Variants in TSPEAR observed in about 807,000 individuals in gnomAD.
TSPEAR encodes the protein thrombospondin-type laminin G domain and EAR repeat-containing protein.
In TSPEAR, 69 loss-of-function variants were observed where a neutral mutation model predicts 71.6. The observed-to-expected ratio is 0.96, with a 90% CI of 0.79 to 1.18. The LOEUF (loss-of-function observed/expected upper bound fraction) is 1.18. Ranked by LOEUF, TSPEAR falls within the 50% of genes most tolerant of loss-of-function variation. The pLI, the probability that TSPEAR is intolerant of heterozygous loss-of-function variation, is 0.00. For synonymous variants in TSPEAR, 402 were observed against 387.2 expected (o/e 1.04, Z -0.45); for missense variants, 971 against 894.9 (o/e 1.09, Z -1.09).
intron 1 of TSPEAR, among the ~76,000 whole-genome samples, chr21:44,683,798 C>A (rs901339300): frequency 1.3e-5 from 2 of 152,182 alleles, no homozygotes; most frequent in East Asian, 1.9e-4. Flanking sequence ...AGACATCTTC[C>A]AAAAAATCCA....
rs781893777 is a variant in TSPEAR at position 44,592,245 on chromosome 21, G to T, written c.83-24240C>A. 19 of 1,598,212 alleles carry T rather than the reference G, an allele frequency of 1.2e-5. No individual in the cohort carries two copies. In the South Asian group the frequency reaches 1.8e-4, roughly 15 times the overall value. On this transcript the variant is annotated intron_variant, in intron 1 of 11. Transcript: ENST00000323084. ...ACGAGGGCGTGCAGGAGCTGGTGCA[G>T]CCTGATTGGCAGGGGCTGGGCTCAC...
chr21:44,583,555 GGAGT>G (rs782599172), intron 1 of TSPEAR, among the ~76,000 whole-genome samples: 2 of 152,160 alleles, frequency 1.3e-5, no homozygotes, highest in Non-Finnish European at 2.9e-5. Context: ...TTTTAAAGAA[GGAGT>G]GAGTTTGTTC....
chr21:44,556,974 C>T (rs781932844), intron 2 of TSPEAR, among the ~76,000 whole-genome samples: 1 of 152,150 alleles, frequency 6.6e-6, no homozygotes, highest in Non-Finnish European at 1.5e-5. Flanking sequence ...ACTGCTGTTA[C>T]ACTATGAAAA....
chr21:44,558,634 C>T (rs1441714198), intron 2 of TSPEAR: 1 of 1,612,942 alleles, frequency 6.2e-7, no homozygotes, highest in African/African-American at 1.3e-5. Context: ...CAGGGGGGCT[C>T]ACAGCAGCTC....
In TSPEAR at chr21:44,655,373, C is replaced by G. The variant is rs587730137; in HGVS notation, c.82+56060G>C. On this transcript the variant is annotated intron_variant, in intron 1 of 11. Transcript: ENST00000323084. ...CTCATCCTGAAGTCCTGAACCAGCTCGGACAGAGAAGATGGACGAAAACAT... is the reference window on the plus strand; with the variant it reads ...CTCATCCTGAAGTCCTGAACCAGCTGGGACAGAGAAGATGGACGAAAACAT... Among the ~76,000 whole-genome samples the G allele has an allele frequency of 1.0e-3, 157 of 152,192 alleles. 1 individual carries two copies. The highest frequency in any genetic ancestry group is 2.4e-3 in the Admixed American group (37 of 15,302).
At position 44,527,283 on chromosome 21, in the gene TSPEAR, C is replaced by T; in HGVS notation, c.1149+9G>A. ...AGGGGATGGAGAAAGTCACCGAACACAGACTTGCCTTTTTCCCGATGGTGA... is the reference window on the plus strand; with the variant it reads ...AGGGGATGGAGAAAGTCACCGAACATAGACTTGCCTTTTTCCCGATGGTGA... On this transcript the variant is annotated intron_variant, in intron 7 of 11. Coordinates refer to ENST00000323084, the MANE Select transcript of TSPEAR (RefSeq NM_144991.3). 1 of 1,614,082 alleles carries T rather than the reference C, an allele frequency of 6.2e-7. No homozygotes were observed. The highest frequency in any genetic ancestry group is 8.5e-7 in the Non-Finnish European group (1 of 1,179,938).
intron 1 of TSPEAR, chr21:44,654,504 G>A (rs1555942175): frequency 5.0e-6 from 8 of 1,613,674 alleles, no homozygotes; most frequent in Non-Finnish European, 6.8e-6. Flanking sequence ...AGGGGGCTGA[G>A]CAGCAGCAGG....
At chr21:44,653,936 C>A (rs957527476) in intron 1 of TSPEAR, among the ~76,000 whole-genome samples, 1 of 152,186 alleles carries the variant, frequency 6.6e-6, no homozygotes, top group Non-Finnish European at 1.5e-5. Context: ...GGGGAAGGTA[C>A]CTCCTGAGGA....
intron 1 of TSPEAR, among the ~76,000 whole-genome samples, chr21:44,705,404 A>T (rs569082017): frequency 6.6e-6 from 1 of 152,384 alleles, no homozygotes; most frequent in African/African-American, 2.4e-5. Flanking sequence ...TGTTCAGGGA[A>T]TAAGAGAGAT....
intron 1 of TSPEAR, chr21:44,677,363 G>T: frequency 7.2e-7 from 1 of 1,397,610 alleles, no homozygotes; most frequent in Non-Finnish European, 1.0e-6. Flanking sequence ...CTTTCAATAT[G>T]TTGGAGTGTG....
chr21:44,653,448 C>T (rs797036194), intron 1 of TSPEAR, among the ~76,000 whole-genome samples: 3 of 152,334 alleles, frequency 2.0e-5, no homozygotes, highest in African/African-American at 7.2e-5. Context: ...TCTGACAGAG[C>T]TGCCCCCGGC....
In TSPEAR at chr21:44,522,021, GGC is replaced by G. The variant is rs1555914347; in HGVS notation, c.1426_1427del (p.Ala476LeufsTer81). ...CCACACTGAAGAACTCCCAGTCGTA[GGC>G]GCCGGAGGTGGCGATGGTCTGGTTG... is the stretch of plus-strand genomic sequence containing the variant. The part of the protein sequence containing the change: ...EANQTIATSG[A>X]YDWEFFSVGP... On this transcript the variant is annotated frameshift_variant, in exon 9 of 12. Transcript: ENST00000323084. LOFTEE classifies it high-confidence loss of function. The G allele has an allele frequency of 3.7e-6, 6 of 1,614,224 alleles. No homozygotes were observed. Among genetic ancestry groups the G allele is most frequent in the Non-Finnish European group, 5.1e-6 (6 of 1,180,022 alleles).
chr21:44,692,660 A>G (rs1439905636), intron 1 of TSPEAR, among the ~76,000 whole-genome samples: 1 of 152,154 alleles, frequency 6.6e-6, no homozygotes, highest in Non-Finnish European at 1.5e-5. Context: ...CCAAGGAGGT[A>G]AGAGACTTGT....
intron 1 of TSPEAR, among the ~76,000 whole-genome samples, chr21:44,633,989 A>G (rs1385830505): frequency 6.6e-6 from 1 of 152,216 alleles, no homozygotes; most frequent in East Asian, 1.9e-4. Flanking sequence ...TTATGCCTGT[A>G]ATCCCAACTA....
chr21:44,544,045 C>G (rs587738728), intron 2 of TSPEAR, among the ~76,000 whole-genome samples: 2 of 152,186 alleles, frequency 1.3e-5, no homozygotes, highest in African/African-American at 4.8e-5. Context: ...AGCAAAGCCC[C>G]ACATTCTTTC....
chr21:44,572,838 C>CACAA (rs1978288840), intron 1 of TSPEAR, among the ~76,000 whole-genome samples: 1 of 8,206 alleles, frequency 1.2e-4, no homozygotes, highest in Non-Finnish European at 2.9e-4. Context: ...GATTTGGACA[C>CACAA]ACACACACAC....
intron 1 of TSPEAR, among the ~76,000 whole-genome samples, chr21:44,706,110 G>A (rs1033599296): frequency 1.3e-5 from 2 of 152,140 alleles, no homozygotes; most frequent in African/African-American, 4.8e-5. Flanking sequence ...TGCAGATCGA[G>A]GCCTAGTGCG....
chr21:44,619,988 T>C (rs183208723), intron 1 of TSPEAR, among the ~76,000 whole-genome samples: 5 of 152,188 alleles, frequency 3.3e-5, no homozygotes, highest in Admixed American at 6.5e-5. Context: ...ACTTCCAGAA[T>C]TGAGGAAACA....
intron 1 of TSPEAR, among the ~76,000 whole-genome samples, chr21:44,679,851 T>C (rs1443968651): frequency 6.6e-6 from 1 of 152,172 alleles, no homozygotes; most frequent in African/African-American, 2.4e-5. Flanking sequence ...AGAATGAAAC[T>C]GGATCCCTAC....
Sources: allele counts gnomAD v4.1 joint callset (sites outside exome capture counted in the v4.1 genomes callset), GRCh38; gene constraint gnomAD v4.1.1; transcripts MANE v1.5; gene names NCBI Gene and HGNC (gene_info 2026-07-23, HGNC 2026-07-21).